Variants in RAD54B observed in about 807,000 individuals in gnomAD.
The protein encoded by RAD54B is RAD54 homolog B.
RAD54B carries 78 observed loss-of-function variants against 95.8 expected under a neutral mutation model. That is an observed-to-expected ratio of 0.81 (90% CI 0.68 to 0.98). RAD54B has a LOEUF of 0.98. Ranked by LOEUF, RAD54B falls within the 50% of genes least tolerant of loss-of-function variation. The pLI is 0.00. For missense variants in RAD54B, 957 were observed against 1,056.6 expected (o/e 0.91, Z 1.31); for synonymous variants, 328 against 354.9 (o/e 0.92, Z 0.85).
chr8:94,463,991 A>G (rs1189467439), intron 2 of RAD54B, among the ~76,000 whole-genome samples: 2 of 152,072 alleles, frequency 1.3e-5, no homozygotes, highest in Admixed American at 6.6e-5. Flanking sequence ...AGTATTACTC[A>G]TAATTGCTAA....
In RAD54B at chr8:94,378,262, AT is replaced by A. The variant is rs749596089; in HGVS notation, c.2432del (p.Asn811IlefsTer53). ...CTGAACTTTCATGTAATGTGAACAA[AT>A]TTTTAAGTTCTTCTACTGAAAACTG... Reference protein sequence around the residue: ...HIQFSVEELKNLFTLHESSDC... With the variant: ...HIQFSVEELKXLFTLHESSDC... On this transcript the variant is annotated frameshift_variant, in exon 14 of 15. Transcript: ENST00000336148. LOFTEE classifies it high-confidence loss of function. The A allele has an allele frequency of 3.1e-6, 5 of 1,613,472 alleles. No homozygotes were observed. The South Asian group carries it at 5.5e-5, about 18-fold the overall frequency.
chr8:94,467,500 A>G lies in RAD54B; in HGVS notation c.40T>C (p.Ser14Pro). The change falls in exon 2 of 15, where the codon TCC (serine) becomes CCC (proline). Residue 14 changes from serine to proline, a missense_variant. By Grantham distance (74) the Ser-to-Pro change is moderately conservative (BLOSUM62 -1). Coordinates refer to ENST00000336148, the MANE Select transcript of RAD54B (RefSeq NM_012415.3). ...GGTATAAATTTTGGTTTTTTGAAGG[A>G]ATTCCCCTGCAACTGACTTGGTGCT... The part of the protein sequence containing the change: ...SAAPSQLQGN[S>P]FKKPKFIPPG... 6.2e-7 allele frequency: 1 copy of G among 1,613,716 alleles called. No homozygotes were observed. The highest frequency in any genetic ancestry group is 8.5e-7 in the Non-Finnish European group (1 of 1,179,996).
intron 3 of RAD54B, 112 bp from the exon 4 acceptor site, chr8:94,411,427 G>A: frequency 2.6e-6 from 2 of 783,856 alleles, no homozygotes; most frequent in East Asian, 3.0e-5. Context: ...TTAAGAAATA[G>A]TATGAAAGAA....
intron 14 of RAD54B, among the ~76,000 whole-genome samples, chr8:94,373,888 T>C (rs1297108366): frequency 1.3e-5 from 2 of 152,228 alleles, no homozygotes; most frequent in Admixed American, 6.5e-5. Flanking sequence ...AGATAAACAC[T>C]TCTTTGAAAT....
rs1269222088 is a variant in RAD54B at position 94,399,396 on chromosome 8, C to T, written c.1378+18G>A. The T allele has an allele frequency of 2.5e-6, 4 of 1,605,094 alleles. No individual in the cohort carries two copies. Among genetic ancestry groups the T allele is most frequent in the Admixed American group, 3.3e-5 (2 of 59,760 alleles). On this transcript the variant is annotated intron_variant, in intron 8 of 14. Transcript: ENST00000336148. ...TAGGCAAAAATTCCAAAATATCTTC[C>T]CCAAACTGAATACTGACCAGTTAGA... is the stretch of plus-strand genomic sequence containing the variant.
chr8:94,430,901 A>G (rs1812075514), intron 3 of RAD54B: 3 of 985,378 alleles, frequency 3.0e-6, no homozygotes, highest in Non-Finnish European at 3.6e-6. Context: ...ACATTCACTT[A>G]AAATCAATGG....
chr8:94,372,048 A>C lies in RAD54B; in HGVS notation c.*122T>G, dbSNP rs1810453035. On this transcript the variant is annotated 3_prime_UTR_variant, in exon 15 of 15. Coordinates refer to ENST00000336148, the MANE Select transcript of RAD54B (RefSeq NM_012415.3). ...CACTCAATTTTGACTATTGTATCAAAAGTGATATATTTTGCAACATATACT... is the reference window on the plus strand; with the variant it reads ...CACTCAATTTTGACTATTGTATCAACAGTGATATATTTTGCAACATATACT... 12 of 1,416,468 alleles carry C rather than the reference A, an allele frequency of 8.5e-6. No individual in the cohort carries two copies. The highest frequency in any genetic ancestry group is 1.1e-5 in the Non-Finnish European group (12 of 1,084,634). The allele number at this position is 1,416,468 out of a possible 1,614,324, so 87.7% of individuals were successfully genotyped here. A position where few individuals can be genotyped will look rare whatever the true frequency, so the allele number is the denominator to read the frequency against.
intron 4 of RAD54B, among the ~76,000 whole-genome samples, chr8:94,408,738 A>C (rs1192279700): frequency 1.3e-5 from 2 of 152,162 alleles, no homozygotes; most frequent in Non-Finnish European, 2.9e-5. Flanking sequence ...ATCCCAAATC[A>C]GTATTGGTCT....
chr8:94,377,940 C>A (rs1175975654), intron 14 of RAD54B, among the ~76,000 whole-genome samples: 8 of 137,174 alleles, frequency 5.8e-5, no homozygotes, highest in Non-Finnish European at 1.1e-4. Flanking sequence ...CGCGCCACTG[C>A]ACTCCAGCCT....
chr8:94,375,024 T>C (rs1331665487), intron 14 of RAD54B, among the ~76,000 whole-genome samples: 1 of 152,180 alleles, frequency 6.6e-6, no homozygotes, highest in Non-Finnish European at 1.5e-5. Flanking sequence ...CATTTGATAA[T>C]CCACTAAACT....
intron 1 of RAD54B, 47 bp from the exon 2 acceptor site, chr8:94,467,602 T>C (rs1813060700): frequency 6.5e-7 from 1 of 1,535,700 alleles, no homozygotes; most frequent in Non-Finnish European, 8.8e-7. Flanking sequence ...CTAATTACAA[T>C]CACCCCCAAA....
intron 3 of RAD54B, among the ~76,000 whole-genome samples, chr8:94,418,694 G>A (rs886577366): frequency 1.3e-5 from 2 of 152,068 alleles, no homozygotes; most frequent in Non-Finnish European, 2.9e-5. Context: ...TGAGAACGTC[G>A]AATAAATGGA....
At chr8:94,427,027 C>A (rs899520442) in intron 3 of RAD54B, among the ~76,000 whole-genome samples, 3 of 152,052 alleles carry the variant, frequency 2.0e-5, no homozygotes, top group Non-Finnish European at 4.4e-5. Context: ...ATTGCAGAAT[C>A]TATGTGGTAG....
chr8:94,455,381 T>C (rs2130171399), intron 3 of RAD54B, among the ~76,000 whole-genome samples: 1 of 152,312 alleles, frequency 6.6e-6, no homozygotes, highest in East Asian at 1.9e-4. Context: ...TAAATCTATA[T>C]AGTTTGATTT....
intron 3 of RAD54B, among the ~76,000 whole-genome samples, chr8:94,423,879 A>G (rs1444881972): frequency 6.6e-6 from 1 of 152,224 alleles, no homozygotes; most frequent in Non-Finnish European, 1.5e-5. Context: ...CTGCATAGTT[A>G]AAATGTGTTT....
In RAD54B at chr8:94,380,147, G is replaced by C; in HGVS notation, c.2245C>G (p.Gln749Glu). Residue 749 changes from glutamine (Q) to glutamate (E), a missense_variant and splice_region_variant, in exon 12 of 15, where the codon CAG (glutamine) becomes GAG (glutamate). By Grantham distance (29) the Gln-to-Glu change is conservative (BLOSUM62 2). Coordinates refer to ENST00000336148, the MANE Select transcript of RAD54B (RefSeq NM_012415.3). Reference sequence around the variant, plus strand: ...ATTTAATGCATAAATATTCCTACCTGAATGTCAGTGGCTGGATTCCAATCA... The same window carrying C: ...ATTTAATGCATAAATATTCCTACCTCAATGTCAGTGGCTGGATTCCAATCA... ...DIDWNPATDI[Q>E]AMSRVWRDGQ... The C allele has an allele frequency of 6.2e-7, 1 of 1,606,976 alleles. No individual in the cohort carries two copies. The highest frequency in any genetic ancestry group is 1.1e-5 in the South Asian group (1 of 90,122).
chr8:94,378,299 G>T lies in RAD54B; in HGVS notation c.2396C>A (p.Ser799Tyr). The change falls in exon 14 of 15, where the codon TCT becomes TAT. Residue 799 changes from serine (S) to tyrosine (Y), a missense_variant. Physicochemically the swap from Ser to Tyr is moderately radical, Grantham distance 144 (BLOSUM62 -2). Transcript: ENST00000336148. The stretch of plus-strand genomic sequence containing the variant: ...TTCTACTGAAAACTGAATATGTTCA[G>T]ATGTCTTGGTGAGGTCGACAACTGC... ...CGAVVDLTKT[S>Y]EHIQFSVEEL... The T allele has an allele frequency of 3.7e-6, 6 of 1,613,888 alleles. No homozygotes were observed. The highest frequency in any genetic ancestry group is 5.1e-6 in the Non-Finnish European group (6 of 1,179,924).
chr8:94,428,480 A>G (rs1812000045), intron 3 of RAD54B: 1 of 256,770 alleles, frequency 3.9e-6, no homozygotes. Flanking sequence ...ACATCCTTCC[A>G]TATACTTTAA....
chr8:94,387,039 G>C lies in RAD54B; in HGVS notation c.1930C>G (p.Leu644Val), dbSNP rs149443901. ...LLFTEKESGK[L>V]QVLSKLLAVI... ...GCTAAGAGCTTGGACAACACCTGTA[G>C]TTTTCCTGACTCCTTTTCAGTAAAC... The change falls in exon 11 of 15, where the codon CTA becomes GTA. Residue 644 changes from leucine (L) to valine (V), a missense_variant. By Grantham distance (32) the Leu-to-Val change is conservative. Transcript: ENST00000336148. 45 of 1,613,402 alleles carry C rather than the reference G, an allele frequency of 2.8e-5. No homozygotes were observed. The highest frequency in any genetic ancestry group is 3.3e-4 in the Middle Eastern group (2 of 6,060).
Sources: gnomAD v4.1 joint callset for allele counts (sites outside exome capture counted in the v4.1 genomes callset) on GRCh38, gnomAD v4.1.1 for gene constraint, MANE v1.5 for transcripts, NCBI Gene and HGNC (gene_info 2026-07-23, HGNC 2026-07-21) for gene names.